CACNA2D3: variants seen among roughly 807,000 people sequenced by gnomAD.
The protein encoded by CACNA2D3 is voltage-dependent calcium channel subunit alpha-2/delta-3.
Under a neutral mutation model 160.6 loss-of-function variants are expected in CACNA2D3, and 60 were observed. The observed-to-expected ratio is 0.37, with a 90% confidence interval of 0.30 to 0.46. The LOEUF is 0.46. CACNA2D3 is among the 20% of genes least tolerant of loss of function. CACNA2D3 has a pLI of 1.00. For synonymous variants in CACNA2D3, 558 were observed against 492.9 expected (o/e 1.13, Z -1.75); for missense variants, 1,205 against 1,365.0 (o/e 0.88, Z 1.85).
At chr3:54,198,767 C>T (rs914453717) in intron 2 of CACNA2D3, among the ~76,000 whole-genome samples, 2 of 152,282 alleles carry the variant, frequency 1.3e-5, no homozygotes, top group East Asian at 1.9e-4. Context: ...GGCGTCCTTG[C>T]AGCCCCAGGC....
At chr3:54,778,812 C>T (rs558767397) in intron 13 of CACNA2D3, among the ~76,000 whole-genome samples, 1 of 152,278 alleles carries the variant, frequency 6.6e-6, no homozygotes, top group African/African-American at 2.4e-5. Context: ...GGCATCTTCT[C>T]CAACATTTCA....
chr3:54,828,191 G>A (rs905205377), intron 14 of CACNA2D3, among the ~76,000 whole-genome samples: 2 of 152,306 alleles, frequency 1.3e-5, no homozygotes, highest in Non-Finnish European at 2.9e-5. Context: ...TGTGTTTTCA[G>A]GGCATCTACT....
chr3:54,296,438 C>A (rs1212658325), intron 2 of CACNA2D3, among the ~76,000 whole-genome samples: 1 of 152,232 alleles, frequency 6.6e-6, no homozygotes, highest in Non-Finnish European at 1.5e-5. Context: ...AGGAAACTTA[C>A]TAACCTAAGA....
At chr3:54,535,630 T>C (rs1209979556) in intron 5 of CACNA2D3, among the ~76,000 whole-genome samples, 3 of 152,206 alleles carry the variant, frequency 2.0e-5, no homozygotes, top group Admixed American at 2.0e-4. Flanking sequence ...ATGGCTGTAA[T>C]TGAGAAAACA....
intron 4 of CACNA2D3, among the ~76,000 whole-genome samples, chr3:54,407,387 G>A (rs1231755426): frequency 6.6e-6 from 1 of 152,160 alleles, no homozygotes; most frequent in African/African-American, 2.4e-5. Flanking sequence ...ACTGATGAAA[G>A]CATGCCTATT....
intron 2 of CACNA2D3, among the ~76,000 whole-genome samples, chr3:54,307,641 G>C (rs932547558): frequency 6.6e-6 from 1 of 152,178 alleles, no homozygotes; most frequent in Admixed American, 6.5e-5. Flanking sequence ...GGAGGTGAAA[G>C]AGTTAAAGAA....
At chr3:54,609,977 G>C (rs915128010) in intron 9 of CACNA2D3, among the ~76,000 whole-genome samples, 1 of 152,028 alleles carries the variant, frequency 6.6e-6, no homozygotes, top group Admixed American at 6.6e-5. Flanking sequence ...ATGCTTCCTC[G>C]GAAGCCTGCA....
At chr3:54,257,849 A>C (rs1702329350) in intron 2 of CACNA2D3, among the ~76,000 whole-genome samples, 1 of 152,206 alleles carries the variant, frequency 6.6e-6, no homozygotes, top group Admixed American at 6.5e-5. Flanking sequence ...TGGAGAAATA[A>C]TGAGGGAAAT....
intron 27 of CACNA2D3, among the ~76,000 whole-genome samples, chr3:54,939,146 A>C (rs1464693068): frequency 2.0e-5 from 3 of 152,220 alleles, no homozygotes. Context: ...TAAACTCTCA[A>C]GGCTGAATCC....
chr3:54,699,737 T>C (rs1293557156), intron 11 of CACNA2D3, among the ~76,000 whole-genome samples: 2 of 152,208 alleles, frequency 1.3e-5, no homozygotes, highest in Non-Finnish European at 2.9e-5. Flanking sequence ...GTTTGTAGCC[T>C]ATATAAAATG....
intron 9 of CACNA2D3, among the ~76,000 whole-genome samples, chr3:54,607,620 A>T (rs1359241406): frequency 1.3e-5 from 2 of 152,226 alleles, no homozygotes; most frequent in African/African-American, 4.8e-5. Context: ...GTTGATAGGA[A>T]CGTAAAATAG....
intron 5 of CACNA2D3, among the ~76,000 whole-genome samples, chr3:54,519,545 T>G (rs759235374): frequency 3.3e-5 from 5 of 152,244 alleles, no homozygotes; most frequent in Non-Finnish European, 7.3e-5. Context: ...GGGAGTATTT[T>G]CTGAGCCTTG....
At chr3:54,792,355 C>T (rs528285371) in intron 13 of CACNA2D3, among the ~76,000 whole-genome samples, 1 of 152,196 alleles carries the variant, frequency 6.6e-6, no homozygotes, top group Non-Finnish European at 1.5e-5. Context: ...TCATGAACCA[C>T]TGGAATAGAT....
At chr3:54,333,258 A>G (rs778251725) in intron 3 of CACNA2D3, among the ~76,000 whole-genome samples, 6 of 151,800 alleles carry the variant, frequency 4.0e-5, no homozygotes, top group African/African-American at 7.3e-5. Flanking sequence ...CTGCTCCCCA[A>G]TTTTCTCCCA....
chr3:54,254,279 G>A (rs1267345782), intron 2 of CACNA2D3, among the ~76,000 whole-genome samples: 1 of 152,232 alleles, frequency 6.6e-6, no homozygotes, highest in Non-Finnish European at 1.5e-5. Context: ...TCCAGATAGG[G>A]TACTGAAGAT....
intron 35 of CACNA2D3, among the ~76,000 whole-genome samples, chr3:55,061,783 G>A (rs1704513623): frequency 6.6e-6 from 1 of 152,178 alleles, no homozygotes. Flanking sequence ...TGAACCCATT[G>A]CTTTCTCCAG....
intron 31 of CACNA2D3, among the ~76,000 whole-genome samples, chr3:54,990,435 G>C (rs1168641054): frequency 6.6e-6 from 1 of 152,194 alleles, no homozygotes; most frequent in African/African-American, 2.4e-5. Flanking sequence ...GGAGGCTGAG[G>C]CAGGAGAATT....
chr3:54,643,756 G>C (rs1699575656), intron 11 of CACNA2D3, among the ~76,000 whole-genome samples: 1 of 152,206 alleles, frequency 6.6e-6, no homozygotes, highest in Non-Finnish European at 1.5e-5. Context: ...ACACGGCCCA[G>C]TGCTGAGCGT....
chr3:54,681,864 G>A (rs1052196707), intron 11 of CACNA2D3, among the ~76,000 whole-genome samples: 1 of 152,022 alleles, frequency 6.6e-6, no homozygotes, highest in Non-Finnish European at 1.5e-5. Context: ...CTTACTTTTA[G>A]TAGAGATGGG....
Sources: gnomAD v4.1 joint callset for allele counts (sites outside exome capture counted in the v4.1 genomes callset) on GRCh38, gnomAD v4.1.1 for gene constraint, MANE v1.5 for transcripts, NCBI Gene and HGNC (gene_info 2026-07-23, HGNC 2026-07-21) for gene names.